HOMER2: variants seen among roughly 807,000 people sequenced by gnomAD.
HOMER2 encodes homer scaffold protein 2, also known as homer protein homolog 2.
HOMER2 carries 27 observed loss-of-function variants against 47.0 expected under a neutral mutation model. The ratio of observed to expected loss-of-function variants is 0.57; its 90% CI spans 0.42 to 0.79. HOMER2 has a LOEUF of 0.79. HOMER2 is among the 30% of genes least tolerant of loss of function. The pLI, the probability that HOMER2 is intolerant of heterozygous loss-of-function variation, is 0.00. For missense variants in HOMER2, 443 were observed against 435.0 expected (o/e 1.02, Z -0.16); for synonymous variants, 161 against 163.8 (o/e 0.98, Z 0.13).
intron 1 of HOMER2, among the ~76,000 whole-genome samples, chr15:82,906,640 G>C (rs897042896): frequency 2.6e-5 from 4 of 152,050 alleles, no homozygotes; most frequent in African/African-American, 9.7e-5. Flanking sequence ...CTCCATGTTG[G>C]TCAGGCTGGT....
At chr15:82,836,644 T>C (rs2051130387), downstream of HOMER2, among the ~76,000 whole-genome samples, 1 of 152,246 alleles carries the variant, frequency 6.6e-6, no homozygotes, top group African/African-American at 2.4e-5. Context: ...AGGACTGGCA[T>C]CTGCTCCTAG....
chr15:82,915,903 C>T (rs1056274154), intron 1 of HOMER2, among the ~76,000 whole-genome samples: 7 of 152,164 alleles, frequency 4.6e-5, no homozygotes, highest in East Asian at 1.9e-4. Context: ...TATATCCGTG[C>T]GAAAAGTACC....
intron 1 of HOMER2, among the ~76,000 whole-genome samples, chr15:82,897,307 A>G (rs1329703289): frequency 6.6e-6 from 1 of 151,896 alleles, no homozygotes; most frequent in African/African-American, 2.4e-5. Context: ...CTCATGATCC[A>G]CATGCCTCGG....
At chr15:82,875,951 G>C (rs1946496606) in intron 2 of HOMER2, among the ~76,000 whole-genome samples, 1 of 152,226 alleles carries the variant, frequency 6.6e-6, no homozygotes, top group Non-Finnish European at 1.5e-5. Context: ...ACGGGTGTGA[G>C]TGGGGTACAG....
rs1461884262 is a variant in HOMER2 at position 82,913,799 on chromosome 15, T to C, written c.6-20958A>G. On this transcript the variant is annotated intron_variant, in intron 1 of 8. Coordinates refer to ENST00000450735, the MANE Select transcript of HOMER2 (RefSeq NM_004839.4). This position sits in a 1 kb window ranked among gnomAD's most constrained non-coding sequence, Gnocchi z 4.1. ...CTTTTCTGGTCATTTATTTAAAACG[T>C]GTACAGGGCTGTGGAAAACTGGTGC... 6.6e-6 allele frequency among the ~76,000 whole-genome samples: 1 copy of C among 152,174 alleles called. No homozygotes were observed. Among genetic ancestry groups the C allele is most frequent in the Admixed American group, 6.5e-5 (1 of 15,276 alleles).
intron 4 of HOMER2, 41 bp from the exon 5 acceptor site, chr15:82,859,176 A>G (rs1032357942): frequency 6.0e-5 from 97 of 1,613,594 alleles, no homozygotes; most frequent in Non-Finnish European, 7.5e-5. Flanking sequence ...TTCCTGGCCA[A>G]AGTGAATTAT....
In HOMER2 at chr15:82,929,016, T is replaced by C. The variant is rs575660887; in HGVS notation, c.5+23515A>G. 1.6e-4 allele frequency among the ~76,000 whole-genome samples: 22 copies of C among 138,246 alleles called. No homozygotes were observed. In the South Asian group the frequency reaches 1.6e-3, roughly 10 times the overall value. The allele number at this position is 138,246 out of a possible 152,430, so 90.7% of individuals were successfully genotyped here. On this transcript the variant is annotated intron_variant, in intron 1 of 8. Transcript: ENST00000450735. ...TGCAGACGACCATCTAAAGTGTGAA[T>C]CATTGCTGGGTATGGAAAAGATTCT... is the stretch of plus-strand genomic sequence containing the variant.
chr15:82,900,288 G>A (rs2053071875), intron 1 of HOMER2, among the ~76,000 whole-genome samples: 2 of 151,986 alleles, frequency 1.3e-5, no homozygotes, highest in African/African-American at 4.8e-5. Flanking sequence ...AACATAGCAA[G>A]ACCCATTTTT....
At chr15:82,910,669 C>T (rs537776296) in intron 1 of HOMER2, among the ~76,000 whole-genome samples, 2 of 152,252 alleles carry the variant, frequency 1.3e-5, no homozygotes, top group South Asian at 2.1e-4. Flanking sequence ...TCTAATTTCC[C>T]AGATAAGGAG....
intron 1 of HOMER2, among the ~76,000 whole-genome samples, chr15:82,897,953 C>T (rs968768912): frequency 1.3e-5 from 2 of 152,194 alleles, no homozygotes; most frequent in Non-Finnish European, 2.9e-5. Flanking sequence ...GTTTAAGATG[C>T]TATGTATGTG....
chr15:82,961,078 G>A (rs1025627104), intron 1 of HOMER2, among the ~76,000 whole-genome samples: 1 of 152,222 alleles, frequency 6.6e-6, no homozygotes, highest in Non-Finnish European at 1.5e-5. Context: ...AGACCAGTGA[G>A]GTGGCATTTC....
At chr15:82,916,417 T>A (rs920407762) in intron 1 of HOMER2, among the ~76,000 whole-genome samples, 1 of 152,214 alleles carries the variant, frequency 6.6e-6, no homozygotes, top group Non-Finnish European at 1.5e-5. Context: ...TCTGAGCACC[T>A]GTGTGTACAT....
intron 3 of HOMER2, among the ~76,000 whole-genome samples, chr15:82,866,820 C>T (rs916762535): frequency 6.6e-6 from 1 of 152,188 alleles, no homozygotes; most frequent in Admixed American, 6.5e-5. Flanking sequence ...TTCCCAGCCA[C>T]GTGGAACTGT....
chr15:82,910,132 C>CAA (rs35191408), intron 1 of HOMER2, among the ~76,000 whole-genome samples: 787 of 22,062 alleles, frequency 0.036, 139 homozygotes, highest in African/African-American at 0.061. Flanking sequence ...GATTCTGTCT[C>CAA]AAAAAAAAAA....
At position 82,849,146 on chromosome 15, in the gene HOMER2, GCAGTAGCGTGGATGCAGGCAACT is replaced by G. The variant is rs2051305302; in HGVS notation, c.*546_*568del. On this transcript the variant is annotated 3_prime_UTR_variant, in exon 9 of 9. Transcript: ENST00000450735. ...AAACTGGGGGGGCGGGGGGCAGGGG[GCAGTAGCGTGGATGCAGGCAACT>G]CCGGGCCAGAAAATGCACCCACCAG... 1 of 151,910 alleles carries G rather than the reference GCAGTAGCGTGGATGCAGGCAACT, an allele frequency of 6.6e-6. No individual in the cohort carries two copies. Among genetic ancestry groups the G allele is most frequent in the African/African-American group, 2.4e-5 (1 of 41,232 alleles). The allele number at this position is 151,910 out of a possible 1,614,324, so 9.4% of individuals were successfully genotyped here. A position where few individuals can be genotyped will look rare whatever the true frequency, so the allele number is the denominator to read the frequency against.
chr15:82,931,706 C>T (rs1334840823), intron 1 of HOMER2, among the ~76,000 whole-genome samples: 1 of 152,120 alleles, frequency 6.6e-6, no homozygotes, highest in Non-Finnish European at 1.5e-5. Context: ...GGTGTGGTGG[C>T]ATGCACCTGT....
intron 1 of HOMER2, among the ~76,000 whole-genome samples, chr15:82,939,907 G>A (rs2054224679): frequency 6.6e-6 from 1 of 152,122 alleles, no homozygotes. Flanking sequence ...ATGAGTTCAT[G>A]TCCTTTGTAG....
chr15:82,900,893 G>C (rs2053092399), intron 1 of HOMER2, among the ~76,000 whole-genome samples: 1 of 152,214 alleles, frequency 6.6e-6, no homozygotes, highest in African/African-American at 2.4e-5. Context: ...TCTGATAGAA[G>C]AAATACTTGT....
chr15:82,920,765 C>G (rs535473698), intron 1 of HOMER2, among the ~76,000 whole-genome samples: 6 of 152,020 alleles, frequency 3.9e-5, no homozygotes, highest in Non-Finnish European at 7.4e-5. Context: ...TTAACATATA[C>G]GGTAACGTAG....
Sources: allele counts gnomAD v4.1 joint callset (sites outside exome capture counted in the v4.1 genomes callset), GRCh38; gene constraint gnomAD v4.1.1; non-coding constraint Gnocchi (gnomAD v3.1); transcripts MANE v1.5; gene names NCBI Gene and HGNC (gene_info 2026-07-23, HGNC 2026-07-21).